DDX55: variants seen among roughly 807,000 people sequenced by gnomAD.
DDX55 encodes ATP-dependent RNA helicase DDX55.
DDX55 carries 56 observed loss-of-function variants against 69.2 expected under a neutral mutation model. The ratio of observed to expected loss-of-function variants is 0.81; its 90% confidence interval spans 0.65 to 1.01. The LOEUF (loss-of-function observed/expected upper bound fraction) is 1.01, where lower values mean the gene tolerates loss of function less well. Ranked by LOEUF, DDX55 falls within the 50% of genes least tolerant of loss-of-function variation. The pLI is 0.00. For missense variants in DDX55, 720 were observed against 745.1 expected (o/e 0.97, Z 0.39); for synonymous variants, 268 against 273.1 (o/e 0.98, Z 0.18).
intron 12 of DDX55, 149 bp from the exon 13 acceptor site, chr12:123,619,283 G>T: frequency 7.8e-7 from 1 of 1,284,368 alleles, no homozygotes; most frequent in South Asian, 1.7e-5. Flanking sequence ...GATTACAGGC[G>T]TGAGCCACTG....
chr12:123,605,801 GGTTACTC>G (rs1953848771), intron 1 of DDX55, 123 bp from the exon 2 acceptor site: 3 of 1,201,216 alleles, frequency 2.5e-6, no homozygotes, highest in South Asian at 2.4e-5. Flanking sequence ...ATGGTGACTT[GGTTACTC>G]AGAGCCCCTT....
chr12:123,602,193 G>A lies in DDX55; in HGVS notation c.45G>A (p.Pro15=), dbSNP rs537574165. The change falls in exon 1 of 14, where the codon CCG becomes CCA. Residue 15 remains proline (P), a synonymous_variant. Transcript: ENST00000238146. Reference sequence around the variant, plus strand: ...GCTCCTGGGAGTCGCTGCCTGTGCCGCTGCACCCGCAGGTGCTGGGCGCGC... The same window carrying A: ...GCTCCTGGGAGTCGCTGCCTGTGCCACTGCACCCGCAGGTGCTGGGCGCGC... ...TEGSWESLPV[P]LHPQVLGALR... The A allele has an allele frequency of 1.5e-5, 23 of 1,571,210 alleles. No homozygotes were observed. The African/African-American group carries it at 2.7e-4, about 18-fold the overall frequency.
chr12:123,610,023 G>A lies in DDX55; in HGVS notation c.636G>A (p.Leu212=), dbSNP rs761334508. The stretch of plus-strand genomic sequence containing the variant: ...CTCAGACGCAGGAAGTGGAGAACCT[G>A]GTGAGAGCGGGCCTCCGGAACCCTG... ...SATQTQEVEN[L]VRAGLRNPVR... Residue 212 remains leucine (L), a synonymous_variant, in exon 7 of 14, where the codon CTG becomes CTA. Transcript: ENST00000238146. The A allele has an allele frequency of 6.2e-7, 1 of 1,614,194 alleles. No homozygotes were observed. Among genetic ancestry groups the A allele is most frequent in the Non-Finnish European group, 8.5e-7 (1 of 1,180,042 alleles).
rs1043819043 is a variant in DDX55 at position 123,607,741 on chromosome 12, A to G, written c.401+79A>G. The G allele has an allele frequency of 5.0e-6, 8 of 1,598,788 alleles. No individual in the cohort carries two copies. In the Admixed American group the frequency reaches 1.3e-4, roughly 27 times the overall value. On this transcript the variant is annotated intron_variant, in intron 5 of 13. Transcript: ENST00000238146. ...AGAATCGATGTGTGATCTCAGCCTA[A>G]CTGTGGGTCCCCCTTTCAGCAGCCT...
Position 123,618,781 on chromosome 12 carries a change from T to C in DDX55, c.1277T>C (p.Val426Ala). The C allele has an allele frequency of 6.2e-7, 1 of 1,614,230 alleles. No homozygotes were observed. The highest frequency in any genetic ancestry group is 8.5e-7 in the Non-Finnish European group (1 of 1,180,034). ...TTTGAAAAGGGCATGAAAGCTTTTG[T>C]GTCATATGTCCAAGCTTATGCAAAG... The part of the protein sequence containing the change: ...AVFEKGMKAF[V>A]SYVQAYAKHE... Residue 426 changes from valine (V) to alanine (A), a missense_variant, in exon 12 of 14, where the codon GTG (valine) becomes GCG (alanine). Physicochemically the swap from Val to Ala is moderately conservative, Grantham distance 64. Coordinates refer to ENST00000238146, the MANE Select transcript of DDX55 (RefSeq NM_020936.3).
At chr12:123,604,523 C>G (rs931627865) in intron 1 of DDX55, among the ~76,000 whole-genome samples, 2 of 152,098 alleles carry the variant, frequency 1.3e-5, no homozygotes, top group Non-Finnish European at 2.9e-5. Flanking sequence ...GTAGTGCGAG[C>G]AAGACCCAAT....
At chr12:123,602,929 C>CA (rs1241834804) in intron 1 of DDX55, among the ~76,000 whole-genome samples, 4 of 152,148 alleles carry the variant, frequency 2.6e-5, no homozygotes, top group African/African-American at 4.8e-5. Context: ...GCTGAGACCT[C>CA]AGTGATTGAG....
chr12:123,613,390 C>T (rs1379470411), intron 8 of DDX55, 138 bp downstream of exon 8: 1 of 835,014 alleles, frequency 1.2e-6, no homozygotes, highest in South Asian at 1.9e-5. Context: ...GAAAACCCAA[C>T]TTTTGTTGTC....
chr12:123,617,472 C>T (rs1954761825), intron 10 of DDX55, among the ~76,000 whole-genome samples: 1 of 152,116 alleles, frequency 6.6e-6, no homozygotes, highest in Admixed American at 6.5e-5. Context: ...TCATTGTTTC[C>T]CAGATTTTCC....
intron 3 of DDX55, 142 bp from the exon 4 acceptor site, chr12:123,607,290 G>T: frequency 1.2e-6 from 1 of 804,608 alleles, no homozygotes; most frequent in East Asian, 2.7e-5. Context: ...GTTGATATGT[G>T]CTCAGAGATG....
chr12:123,607,554 T>C (rs747810717), intron 4 of DDX55, 31 bp downstream of exon 4: 4 of 1,614,096 alleles, frequency 2.5e-6, no homozygotes, highest in African/African-American at 1.3e-5. Context: ...CTGTTAGTCA[T>C]GGGCTGTTTT....
rs375434150 is a variant in DDX55, at chr12:123,606,053, C to G, written c.160-20C>G. The stretch of plus-strand genomic sequence containing the variant: ...ATGAACTCTGAGGAAGAAAGGGAAA[C>G]CAAAACTCTCTGTTTGCAGGTCACA... On this transcript the variant is annotated intron_variant, in intron 2 of 13. Transcript: ENST00000238146. The G allele has an allele frequency of 2.0e-6, 3 of 1,503,958 alleles. No individual in the cohort carries two copies. The highest frequency in any genetic ancestry group is 2.7e-6 in the Non-Finnish European group (3 of 1,128,694). 93.2% of individuals were successfully genotyped at this position (1,503,958 alleles called of 1,614,324 possible).
At chr12:123,608,053 A>C in intron 5 of DDX55, 1 of 255,860 alleles carries the variant, frequency 3.9e-6, no homozygotes, top group African/African-American at 2.2e-5. Flanking sequence ...TTGTGTGTGT[A>C]ATCTCCTGAT....
chr12:123,618,136 C>T (rs937961331), intron 11 of DDX55: 9 of 418,758 alleles, frequency 2.1e-5, no homozygotes, highest in Non-Finnish European at 4.0e-5. Context: ...CCTGCCTCAG[C>T]CTCCCAAGTA....
intron 6 of DDX55, among the ~76,000 whole-genome samples, chr12:123,609,174 A>G (rs1221628682): frequency 2.0e-5 from 3 of 151,094 alleles, no homozygotes; most frequent in African/African-American, 7.3e-5. Context: ...CTGTTCTCAA[A>G]CTCCTGGACT....
rs775937700 is a variant in DDX55 at position 123,610,015 on chromosome 12, G to C, written c.628G>C (p.Glu210Gln). ...LFSATQTQEV[E>Q]NLVRAGLRNP... ...CTCTGCCACTCAGACGCAGGAAGTG[G>C]AGAACCTGGTGAGAGCGGGCCTCCG... is the stretch of plus-strand genomic sequence containing the variant. The change falls in exon 7 of 14, where the codon GAG (glutamate) becomes CAG (glutamine). Residue 210 changes from glutamate to glutamine, a missense_variant. By Grantham distance (29) the Glu-to-Gln change is conservative (BLOSUM62 2). Transcript: ENST00000238146. The C allele has an allele frequency of 3.7e-6, 6 of 1,614,184 alleles. No homozygotes were observed. Among genetic ancestry groups the C allele is most frequent in the Non-Finnish European group, 5.1e-6 (6 of 1,180,042 alleles).
At chr12:123,618,434 TGCCATACTTTGCTACCAGATTAG>T (rs1363849448) in intron 11 of DDX55, 2 of 1,242,318 alleles carry the variant, frequency 1.6e-6, no homozygotes, top group Middle Eastern at 1.9e-4. Context: ...GACCCAGTGT[TGCCATACTTTGCTACCAGATTAG>T]GATTGTCATG....
In DDX55 at chr12:123,620,183, T is replaced by A; in HGVS notation, c.*43T>A. ...AACCCACAAGGACATAGCTGTTCCC[T>A]AACTTGGTGGATGGCTCCAGTTTGC... On this transcript the variant is annotated 3_prime_UTR_variant, in exon 14 of 14. Transcript: ENST00000238146. 6.4e-7 allele frequency: 1 copy of A among 1,551,592 alleles called. No homozygotes were observed. The highest frequency in any genetic ancestry group is 8.7e-7 in the Non-Finnish European group (1 of 1,145,294).
Position 123,610,823 on chromosome 12 carries a change from C to G in DDX55, c.741+695C>G, listed in dbSNP as rs1295064640. Among the ~76,000 whole-genome samples, 5 of 151,842 alleles carry G rather than the reference C, an allele frequency of 3.3e-5. No homozygotes were observed. In the East Asian group the frequency reaches 9.7e-4, roughly 29 times the overall value. ...GCCAGGATGGTCTCCATCTCCTGAC[C>G]TGGTGATCCACCTGCCTCGGCCTCC... On this transcript the variant is annotated intron_variant, in intron 7 of 13. Transcript: ENST00000238146.
Sources: gnomAD v4.1 joint callset for allele counts (sites outside exome capture counted in the v4.1 genomes callset) on GRCh38, gnomAD v4.1.1 for gene constraint, MANE v1.5 for transcripts, NCBI Gene and HGNC (gene_info 2026-07-23, HGNC 2026-07-21) for gene names.